Variants in ARID1B observed in about 807,000 individuals in gnomAD.
ARID1B encodes the protein AT-rich interactive domain-containing protein 1B.
In ARID1B, 30 loss-of-function variants were observed where a neutral mutation model predicts 212.3. The observed-to-expected ratio is 0.14, with a 90% confidence interval of 0.11 to 0.19. ARID1B has a LOEUF of 0.19. ARID1B is among the 10% of genes least tolerant of loss of function. The pLI is 1.00. For missense variants in ARID1B, 2,891 were observed against 3,204.0 expected, an observed-to-expected ratio of 0.90 and a Z score of 2.36; for synonymous variants, 1,402 against 1,301.7, an observed-to-expected ratio of 1.08 and a Z score of -1.66.
chr6:156,847,278 G>T (rs774139743), intron 2 of ARID1B, among the ~76,000 whole-genome samples: 2 of 152,182 alleles, frequency 1.3e-5, no homozygotes, highest in Non-Finnish European at 2.9e-5. Context: ...AAGAATAAAT[G>T]AATTAAACAG....
At chr6:156,828,445 G>C (rs924685000) in intron 1 of ARID1B, among the ~76,000 whole-genome samples, 1 of 152,200 alleles carries the variant, frequency 6.6e-6, no homozygotes, top group African/African-American at 2.4e-5. Context: ...TGTAGCACCG[G>C]GTGAGGGCCT....
intron 6 of ARID1B, among the ~76,000 whole-genome samples, chr6:157,114,707 G>A (rs17054627): frequency 0.18 from 26,696 of 151,870 alleles, 2,750 homozygotes; most frequent in Admixed American, 0.23. Flanking sequence ...CACCATATAC[G>A]TACTTTCTTT....
intron 10 of ARID1B, among the ~76,000 whole-genome samples, chr6:157,174,636 A>T (rs1304452527): frequency 6.6e-6 from 1 of 150,770 alleles, no homozygotes; most frequent in Admixed American, 6.6e-5. Context: ...CATCCAGCAG[A>T]CTTACCCAAT....
At chr6:157,020,930 A>C (rs945682162) in intron 4 of ARID1B, among the ~76,000 whole-genome samples, 1 of 152,242 alleles carries the variant, frequency 6.6e-6, no homozygotes, top group Non-Finnish European at 1.5e-5. Context: ...TAATGGCCGA[A>C]GGAACGTTAC....
At chr6:157,104,602 A>G (rs1786326019) in intron 5 of ARID1B, among the ~76,000 whole-genome samples, 1 of 152,230 alleles carries the variant, frequency 6.6e-6, no homozygotes, top group African/African-American at 2.4e-5. Flanking sequence ...ATACACAAAC[A>G]ATAAACAGTT....
intron 2 of ARID1B, among the ~76,000 whole-genome samples, chr6:156,849,520 TAGAG>T (rs779840374): frequency 5.9e-5 from 9 of 152,222 alleles, no homozygotes; most frequent in Admixed American, 6.5e-5. Context: ...AATTAATTCA[TAGAG>T]AGAAGCATCT....
chr6:156,826,865 C>T (rs1187950970), intron 1 of ARID1B, among the ~76,000 whole-genome samples: 1 of 152,148 alleles, frequency 6.6e-6, no homozygotes, highest in African/African-American at 2.4e-5. Context: ...TCCAGAGTGT[C>T]TACATTTTCT....
At chr6:157,176,529 A>T (rs1792113484) in intron 11 of ARID1B, among the ~76,000 whole-genome samples, 1 of 152,230 alleles carries the variant, frequency 6.6e-6, no homozygotes, top group Non-Finnish European at 1.5e-5. Context: ...AGAGGTTAAA[A>T]ATAATAATCT....
chr6:156,893,045 C>CTTTTTTGTTTTT (rs1554263983), intron 2 of ARID1B, among the ~76,000 whole-genome samples: 3 of 85,920 alleles, frequency 3.5e-5, no homozygotes, highest in Non-Finnish European at 5.0e-5. Flanking sequence ...TTTTTTCTTC[C>CTTTTTTGTTTTT]TTTTTTTTTT....
At chr6:157,021,877 G>C (rs1201131140) in intron 4 of ARID1B, among the ~76,000 whole-genome samples, 3 of 151,948 alleles carry the variant, frequency 2.0e-5, no homozygotes, top group African/African-American at 4.8e-5. Flanking sequence ...GCGCCGTCTC[G>C]CGCCGCCGCC....
At chr6:156,914,545 A>G (rs1790190936) in intron 3 of ARID1B, among the ~76,000 whole-genome samples, 1 of 152,168 alleles carries the variant, frequency 6.6e-6, no homozygotes, top group Non-Finnish European at 1.5e-5. Context: ...ACCAGGGCTC[A>G]GTGTTGGCCC....
intron 4 of ARID1B, among the ~76,000 whole-genome samples, chr6:156,990,601 A>C (rs1422757639): frequency 6.6e-6 from 1 of 152,122 alleles, no homozygotes; most frequent in East Asian, 1.9e-4. Context: ...AGATCGCACC[A>C]CTGCACTCCA....
Position 157,148,536 on chromosome 6 carries a change from G to T in ARID1B, c.2762-88G>T. ...ACGGTCATGACTAATACTCCGTGCT[G>T]ATCGCATTGTTGGACAAAAAGTATT... On this transcript the variant is annotated intron_variant, in intron 7 of 19. Transcript: ENST00000636930. The surrounding 1 kb of genome is among the most constrained non-coding windows in gnomAD (Gnocchi z 5.6). 7.1e-7 allele frequency: 1 copy of T among 1,417,568 alleles called. No homozygotes were observed. The highest frequency in any genetic ancestry group is 1.3e-5 in the South Asian group (1 of 76,574). 87.8% of individuals were successfully genotyped at this position (1,417,568 alleles called of 1,614,324 possible).
intron 4 of ARID1B, among the ~76,000 whole-genome samples, chr6:157,016,308 A>T (rs997861104): frequency 6.6e-6 from 1 of 152,152 alleles, no homozygotes. Context: ...AGGTGCCACC[A>T]TCGCCACCCC....
chr6:157,057,662 A>G (rs935783244), intron 4 of ARID1B, among the ~76,000 whole-genome samples: 20 of 152,242 alleles, frequency 1.3e-4, no homozygotes, highest in South Asian at 8.3e-4. Context: ...TATATTTTAA[A>G]TAGGATTTGT....
chr6:157,145,689 A>G (rs2128622543), intron 7 of ARID1B, among the ~76,000 whole-genome samples: 1 of 152,316 alleles, frequency 6.6e-6, no homozygotes, highest in South Asian at 2.1e-4. Context: ...TAAATATTTG[A>G]GAGACTGTGT....
At position 156,895,521 on chromosome 6, in the gene ARID1B, C is replaced by T. The variant is rs554934978; in HGVS notation, c.1987-5855C>T. ...GGCCTTTGAGCTGAGTCTCTTTTCT[C>T]GGAAGGACACCTCCTGGGGTGTCCC... is the stretch of plus-strand genomic sequence containing the variant. On this transcript the variant is annotated intron_variant, in intron 2 of 19. Coordinates refer to ENST00000636930, the MANE Select transcript of ARID1B (RefSeq NM_001374828.1). Among the ~76,000 whole-genome samples the T allele has an allele frequency of 4.6e-5, 7 of 152,288 alleles. No individual in the cohort carries two copies. In the South Asian group the frequency reaches 6.2e-4, roughly 14 times the overall value.
intron 2 of ARID1B, chr6:156,870,571 C>T (rs1416779962): frequency 6.6e-6 from 1 of 152,122 alleles, no homozygotes; most frequent in Non-Finnish European, 1.5e-5. Context: ...AAAAGATTTC[C>T]TATGCCTTGG....
rs1779994500 is a variant in ARID1B at position 157,017,845 on chromosome 6, G to T, written c.2248-66817G>T. ...TAAACATCTCTAAAATGGAAACTGG[G>T]CTGGGTGTGGTGGCTCATGCCTGAA... On this transcript the variant is annotated intron_variant, in intron 4 of 19. Transcript: ENST00000636930. Among the ~76,000 whole-genome samples, 3 of 152,126 alleles carry T rather than the reference G, an allele frequency of 2.0e-5. No individual in the cohort carries two copies. The South Asian group carries it at 6.2e-4, about 32-fold the overall frequency.
Sources: allele counts gnomAD v4.1 joint callset (sites outside exome capture counted in the v4.1 genomes callset), GRCh38; gene constraint gnomAD v4.1.1; non-coding constraint Gnocchi (gnomAD v3.1); transcripts MANE v1.5; gene names NCBI Gene and HGNC (gene_info 2026-07-23, HGNC 2026-07-21).